IGF1R: variants seen among roughly 807,000 people sequenced by gnomAD.
IGF1R encodes the protein insulin-like growth factor 1 receptor.
Under a neutral mutation model 144.6 loss-of-function variants are expected in IGF1R, and 44 were observed. That is an observed-to-expected ratio of 0.30 (90% CI 0.24 to 0.39). The LOEUF (loss-of-function observed/expected upper bound fraction) is 0.39. IGF1R is among the 10% of genes least tolerant of loss of function. The pLI is 1.00. For missense variants in IGF1R, 1,355 were observed against 1,833.7 expected (o/e 0.74, Z 4.77); for synonymous variants, 795 against 722.8 (o/e 1.10, Z -1.60).
At chr15:98,660,186 G>T (rs916309734) in intron 1 of IGF1R, 1 of 152,132 alleles carries the variant, frequency 6.6e-6, no homozygotes, top group Non-Finnish European at 1.5e-5. Context: ...CAGACATTTT[G>T]AACAGTTCAG....
chr15:98,753,329 G>T (rs981696781), intron 2 of IGF1R, among the ~76,000 whole-genome samples: 2 of 138,868 alleles, frequency 1.4e-5, no homozygotes, highest in African/African-American at 5.4e-5. Context: ...CAATCCTCCC[G>T]CCTGAGCCCC....
chr15:98,729,036 A>C (rs183032461), intron 2 of IGF1R, among the ~76,000 whole-genome samples: 1 of 152,248 alleles, frequency 6.6e-6, no homozygotes, highest in African/African-American at 2.4e-5. Flanking sequence ...CAATGCCTCA[A>C]TGAAATATTA....
chr15:98,946,695 G>T (rs759704123), intron 19 of IGF1R, among the ~76,000 whole-genome samples: 26 of 152,334 alleles, frequency 1.7e-4, no homozygotes, highest in African/African-American at 5.3e-4. Flanking sequence ...TCGGAGTTCA[G>T]TGTGAGACGC....
At chr15:98,701,582 T>G (rs938133306) in intron 1 of IGF1R, among the ~76,000 whole-genome samples, 2 of 152,106 alleles carry the variant, frequency 1.3e-5, no homozygotes. Flanking sequence ...CCCGTGATCC[T>G]ACCGCCTCGG....
At chr15:98,668,967 C>T (rs1335056771) in intron 1 of IGF1R, among the ~76,000 whole-genome samples, 1 of 152,208 alleles carries the variant, frequency 6.6e-6, no homozygotes, top group Non-Finnish European at 1.5e-5. Flanking sequence ...TGTTTATGAG[C>T]ATTAACTGTT....
intron 1 of IGF1R, among the ~76,000 whole-genome samples, chr15:98,656,529 A>AT (rs2052488941): frequency 6.6e-6 from 1 of 152,208 alleles, no homozygotes; most frequent in Non-Finnish European, 1.5e-5. Context: ...AGCCTGGGTG[A>AT]CAGAGCGAGA....
At chr15:98,953,002 G>C (rs1434271778) in intron 20 of IGF1R, 1 of 152,240 alleles carries the variant, frequency 6.6e-6, no homozygotes, top group Admixed American at 6.5e-5. Context: ...GAGGGTTCTA[G>C]CATGGGAGTT....
Position 98,947,349 on chromosome 15 carries a change from G to A in IGF1R, c.3588-1225G>A, listed in dbSNP as rs114507126. ...GTTCTCATACAGTCAGGAGCACTGT[G>A]GGCTTGGGCACAAGGTCAAGGTCCC... On this transcript the variant is annotated intron_variant, in intron 19 of 20. Coordinates refer to ENST00000650285, the MANE Select transcript of IGF1R (RefSeq NM_000875.5). Among the ~76,000 whole-genome samples the A allele has an allele frequency of 2.1e-3, 324 of 152,316 alleles. 3 individuals are homozygous for A. The highest frequency in any genetic ancestry group is 6.9e-3 in the African/African-American group (286 of 41,562).
chr15:98,732,553 A>G (rs766973019), intron 2 of IGF1R, among the ~76,000 whole-genome samples: 6 of 152,066 alleles, frequency 3.9e-5, no homozygotes, highest in South Asian at 2.1e-4. Context: ...TGCCATTGCT[A>G]TGGAGTGAGC....
intron 2 of IGF1R, among the ~76,000 whole-genome samples, chr15:98,782,502 A>G (rs554650519): frequency 1.3e-5 from 2 of 152,260 alleles, no homozygotes; most frequent in East Asian, 1.9e-4. Flanking sequence ...AAATACTTAA[A>G]TGGGGTTATC....
At chr15:98,886,722 C>T (rs981406447) in intron 2 of IGF1R, among the ~76,000 whole-genome samples, 2 of 152,086 alleles carry the variant, frequency 1.3e-5, no homozygotes, top group African/African-American at 2.4e-5. Flanking sequence ...ACACACTGCC[C>T]GGGGCTTTTC....
chr15:98,700,941 C>G lies in IGF1R; in HGVS notation c.95-6621C>G, dbSNP rs571171669. Among the ~76,000 whole-genome samples, 7 of 152,016 alleles carry G rather than the reference C, an allele frequency of 4.6e-5. No individual in the cohort carries two copies. The South Asian group carries it at 1.5e-3, about 32-fold the overall frequency. On this transcript the variant is annotated intron_variant, in intron 1 of 20. Transcript: ENST00000650285. ...AAACTTTTTTTTTCATTTAATTTGC[C>G]ACTTGCTAGAGAGATGGTTGTTCTG...
At chr15:98,746,964 C>T (rs2054882903) in intron 2 of IGF1R, among the ~76,000 whole-genome samples, 2 of 152,148 alleles carry the variant, frequency 1.3e-5, no homozygotes, top group South Asian at 4.1e-4. Context: ...TTGAGTTGAA[C>T]CTATGCTCTC....
In IGF1R at chr15:98,649,570, C is replaced by T. The variant is rs1228604535; in HGVS notation, c.-12C>T. 4 of 1,382,006 alleles carry T rather than the reference C, an allele frequency of 2.9e-6. No individual in the cohort carries two copies. Among genetic ancestry groups the T allele is most frequent in the Middle Eastern group, 1.8e-4 (1 of 5,466 alleles). The allele number at this position is 1,382,006 out of a possible 1,614,324, so 85.6% of individuals were successfully genotyped here. ...TTTTTGAGAAAGGGGAATTTCATCC[C>T]AAATAAAAGGAATGAAGTCTGGCTC... On this transcript the variant is annotated 5_prime_UTR_variant, in exon 1 of 21. Coordinates refer to ENST00000650285, the MANE Select transcript of IGF1R (RefSeq NM_000875.5).
intron 1 of IGF1R, among the ~76,000 whole-genome samples, chr15:98,691,488 C>T (rs929610404): frequency 6.6e-6 from 1 of 151,980 alleles, no homozygotes; most frequent in South Asian, 2.1e-4. Context: ...TTCAGCCTCC[C>T]GAGTAGCTGG....
intron 2 of IGF1R, among the ~76,000 whole-genome samples, chr15:98,796,109 GC>G (rs2056235090): frequency 6.6e-6 from 1 of 152,264 alleles, no homozygotes; most frequent in Admixed American, 6.5e-5. Context: ...CGTGAAAGAG[GC>G]TTCTCCGTGG....
At chr15:98,843,911 A>G (rs1030161198) in intron 2 of IGF1R, among the ~76,000 whole-genome samples, 7 of 152,236 alleles carry the variant, frequency 4.6e-5, no homozygotes, top group African/African-American at 1.7e-4. Context: ...CCGCTGAAAC[A>G]TAGTAATACT....
chr15:98,677,680 C>T (rs1324242164), intron 1 of IGF1R, among the ~76,000 whole-genome samples: 1 of 152,218 alleles, frequency 6.6e-6, no homozygotes, highest in South Asian at 2.1e-4. Context: ...AAGATGACCT[C>T]CAGGAATTAT....
chr15:98,738,703 A>G (rs532911124), intron 2 of IGF1R, among the ~76,000 whole-genome samples: 1 of 152,294 alleles, frequency 6.6e-6, no homozygotes, highest in East Asian at 1.9e-4. Flanking sequence ...GACCAAAATA[A>G]CTGGAAATTC....
Sources: gnomAD v4.1 joint callset for allele counts (sites outside exome capture counted in the v4.1 genomes callset) on GRCh38, gnomAD v4.1.1 for gene constraint, MANE v1.5 for transcripts, NCBI Gene and HGNC (gene_info 2026-07-23, HGNC 2026-07-21) for gene names.